Variants in CAPN11 observed in about 807,000 individuals in gnomAD.
CAPN11 encodes the protein calpain 11.
In CAPN11, 108 loss-of-function variants were observed where a neutral mutation model predicts 105.3. The ratio of observed to expected loss-of-function variants is 1.03; its 90% confidence interval spans 0.88 to 1.20. The LOEUF (loss-of-function observed/expected upper bound fraction) is 1.20, where lower values mean the gene tolerates loss of function less well. Ranked by LOEUF, CAPN11 falls within the 50% of genes most tolerant of loss-of-function variation. CAPN11 has a pLI of 0.00. For missense variants in CAPN11, 883 were observed against 924.8 expected, an observed-to-expected ratio of 0.95 and a Z score of 0.59; for synonymous variants, 329 against 344.5, an observed-to-expected ratio of 0.96 and a Z score of 0.50.
At chr6:44,174,154 T>C (rs1271809898) in intron 7 of CAPN11, among the ~76,000 whole-genome samples, 4 of 152,146 alleles carry the variant, frequency 2.6e-5, no homozygotes, top group Non-Finnish European at 4.4e-5. Context: ...TTGGCATTTA[T>C]CCCAGAGAAA....
chr6:44,171,567 C>T (rs1226523164), intron 4 of CAPN11, among the ~76,000 whole-genome samples: 1 of 152,158 alleles, frequency 6.6e-6, no homozygotes, highest in East Asian at 1.9e-4. Context: ...GTGGCTCATA[C>T]CTGTAATCCT....
intron 2 of CAPN11, among the ~76,000 whole-genome samples, chr6:44,168,020 TA>T (rs148124290): frequency 9.3e-5 from 14 of 151,082 alleles, no homozygotes; most frequent in Non-Finnish European, 1.6e-4. Flanking sequence ...CTCTGCCTCT[TA>T]AAAAAAAATG....
intron 19 of CAPN11, among the ~76,000 whole-genome samples, chr6:44,182,013 TAC>T (rs1773681118): frequency 5.4e-5 from 1 of 18,488 alleles, no homozygotes; most frequent in Non-Finnish European, 1.0e-4. Flanking sequence ...CACACACACA[TAC>T]ACACTCACAT....
In CAPN11 at chr6:44,181,251, GA is replaced by G; in HGVS notation, c.1872del (p.Asp625MetfsTer9). The G allele has an allele frequency of 1.2e-6, 2 of 1,613,486 alleles. No homozygotes were observed. Among genetic ancestry groups the G allele is most frequent in the Non-Finnish European group, 1.7e-6 (2 of 1,179,592 alleles). On this transcript the variant is annotated frameshift_variant and splice_region_variant, in exon 19 of 23. Coordinates refer to ENST00000398776, the MANE Select transcript of CAPN11 (RefSeq NM_007058.4). LOFTEE classifies it high-confidence loss of function. ...ACRCMINLMD[K>X]DGSGKLGLLE... ...CTCTGCTGTCCTTGACCACCTTCCAGAAAGATGGCTCTGGCAAGCTGGGGCT... is the reference window on the plus strand; with the variant it reads ...CTCTGCTGTCCTTGACCACCTTCCAGAAGATGGCTCTGGCAAGCTGGGGCT...
At chr6:44,178,930 C>T (rs1284824945) in intron 12 of CAPN11, among the ~76,000 whole-genome samples, 5 of 151,938 alleles carry the variant, frequency 3.3e-5, no homozygotes, top group African/African-American at 1.2e-4. Flanking sequence ...TCAAAGACAT[C>T]TTCAAGGTTA....
chr6:44,172,469 G>A, intron 5 of CAPN11, 49 bp downstream of exon 5: 1 of 1,138,712 alleles, frequency 8.8e-7, no homozygotes, highest in Non-Finnish European at 1.3e-6. Flanking sequence ...GGCGGGGGAA[G>A]AATCATATAT....
rs1363115279 is a variant in CAPN11, at chr6:44,169,272, C to T, written c.89-9C>T. 8.2e-6 allele frequency: 13 copies of T among 1,583,956 alleles called. No individual in the cohort carries two copies. The highest frequency in any genetic ancestry group is 5.7e-5 in the Admixed American group (3 of 52,494). On this transcript the variant is annotated splice_polypyrimidine_tract_variant and intron_variant, in intron 2 of 22. Coordinates refer to ENST00000398776, the MANE Select transcript of CAPN11 (RefSeq NM_007058.4). ...ACTTGCGTTATTTCTCTTTTTTTTT[C>T]TTAAGCAGAGCCCACTTTTACTGAT...
chr6:44,168,792 T>A (rs1275758157), intron 2 of CAPN11: 1 of 292,532 alleles, frequency 3.4e-6, no homozygotes, highest in Non-Finnish European at 6.9e-6. Flanking sequence ...GCTAATTTTT[T>A]GTATTTTTCG....
rs767699600 is a variant in CAPN11, at chr6:44,183,718, C to T, written c.2148C>T (p.Thr716=). The change falls in exon 22 of 23, where the codon ACC becomes ACT. Residue 716 remains threonine, a synonymous_variant. Coordinates refer to ENST00000398776, the MANE Select transcript of CAPN11 (RefSeq NM_007058.4). ...TCTGTAACGCAGCATTCTTTCTAAC[C>T]ATGGACCCCAAGAATACTGGCCATA... is the stretch of plus-strand genomic sequence containing the variant. The part of the protein sequence containing the change: ...RLKTMFTFFL[T]MDPKNTGHIC... The T allele has an allele frequency of 1.9e-6, 3 of 1,613,864 alleles. No homozygotes were observed. The highest frequency in any genetic ancestry group is 2.2e-5 in the East Asian group (1 of 44,866).
At chr6:44,168,352 C>T (rs574386357) in intron 2 of CAPN11, among the ~76,000 whole-genome samples, 1 of 152,212 alleles carries the variant, frequency 6.6e-6, no homozygotes, top group Non-Finnish European at 1.5e-5. Context: ...TCACTGCAAC[C>T]TCTGCCTCCT....
chr6:44,160,344 G>T (rs959543128), intron 1 of CAPN11, among the ~76,000 whole-genome samples: 2 of 151,826 alleles, frequency 1.3e-5, no homozygotes, highest in East Asian at 1.9e-4. Context: ...CTGGCCGGGC[G>T]CAGTGGCTCA....
At chr6:44,160,685 G>A (rs1768623274) in intron 1 of CAPN11, among the ~76,000 whole-genome samples, 1 of 152,126 alleles carries the variant, frequency 6.6e-6, no homozygotes. Flanking sequence ...GTCTGATGGA[G>A]GAGACAGGAT....
In CAPN11 at chr6:44,180,106, C is replaced by T. The variant is rs542066913; in HGVS notation, c.1583C>T (p.Pro528Leu). ...ATCATTATTCCCTCCACCTTTGAGC[C>T]ACACAGAGATGCTGACTTCCTGCTT... Reference protein sequence around the residue: ...EYIIIPSTFEPHRDADFLLRV... With the variant: ...EYIIIPSTFELHRDADFLLRV... Residue 528 changes from proline to leucine, a missense_variant, in exon 14 of 23, where the codon CCA becomes CTA. Coordinates refer to ENST00000398776, the MANE Select transcript of CAPN11 (RefSeq NM_007058.4). 1 of 1,613,660 alleles carries T rather than the reference C, an allele frequency of 6.2e-7. No individual in the cohort carries two copies. Among genetic ancestry groups the T allele is most frequent in the African/African-American group, 1.3e-5 (1 of 74,970 alleles).
At chr6:44,179,901 C>G in intron 13 of CAPN11, 51 bp from the exon 14 acceptor site, 6 of 1,433,664 alleles carry the variant, frequency 4.2e-6, no homozygotes, top group Non-Finnish European at 5.9e-6. Context: ...GGGGACCCTC[C>G]CTCCCTAACC....
At position 44,166,831 on chromosome 6, in the gene CAPN11, T is replaced by A; in HGVS notation, c.88+2T>A. On this transcript the variant is annotated splice_donor_variant, in intron 2 of 22. Coordinates refer to ENST00000398776, the MANE Select transcript of CAPN11 (RefSeq NM_007058.4). LOFTEE classifies it high-confidence loss of function. ...ATAAGCCTCGGGGCTCATGTGCGGG[T>A]AGGACTGCAGACCCGTCGTGGCTCT... 1 of 1,547,944 alleles carries A rather than the reference T, an allele frequency of 6.5e-7. No homozygotes were observed. The highest frequency in any genetic ancestry group is 8.7e-7 in the Non-Finnish European group (1 of 1,143,890).
intron 4 of CAPN11, among the ~76,000 whole-genome samples, chr6:44,172,070 A>G (rs756462663): frequency 1.1e-4 from 16 of 152,214 alleles, no homozygotes; most frequent in Non-Finnish European, 2.1e-4. Context: ...TGACTCAAAA[A>G]AGAAAATGTA....
At chr6:44,168,708 C>T (rs1297810553) in intron 2 of CAPN11, among the ~76,000 whole-genome samples, 1 of 152,090 alleles carries the variant, frequency 6.6e-6, no homozygotes, top group Non-Finnish European at 1.5e-5. Context: ...GCACCTCCGC[C>T]TCCTGGGTTC....
chr6:44,184,279 G>C lies in CAPN11; in HGVS notation c.*347G>C, dbSNP rs376044562. On this transcript the variant is annotated 3_prime_UTR_variant, in exon 23 of 23. Coordinates refer to ENST00000398776, the MANE Select transcript of CAPN11 (RefSeq NM_007058.4). ...AGAATAGGGAAGGGACTTGTAGCCCGTTTCTTACCCTCCATGCTTGCTGTC... is the reference window on the plus strand; with the variant it reads ...AGAATAGGGAAGGGACTTGTAGCCCCTTTCTTACCCTCCATGCTTGCTGTC... 2 of 374,802 alleles carry C rather than the reference G, an allele frequency of 5.3e-6. No homozygotes were observed. Among genetic ancestry groups the C allele is most frequent in the African/African-American group, 4.1e-5 (2 of 49,282 alleles). 23.2% of individuals were successfully genotyped at this position (374,802 alleles called of 1,614,324 possible). A position where few individuals can be genotyped will look rare whatever the true frequency, so the allele number is the denominator to read the frequency against.
At chr6:44,177,027 G>A in intron 11 of CAPN11, 29 bp downstream of exon 11, 2 of 1,604,604 alleles carry the variant, frequency 1.2e-6, no homozygotes, top group Non-Finnish European at 1.7e-6. Context: ...GGGAGGGGGT[G>A]TGCAGGGAGT....
Sources: gnomAD v4.1 joint callset for allele counts (sites outside exome capture counted in the v4.1 genomes callset) on GRCh38, gnomAD v4.1.1 for gene constraint, MANE v1.5 for transcripts, NCBI Gene and HGNC (gene_info 2026-07-23, HGNC 2026-07-21) for gene names.